FAT3: variants seen among roughly 807,000 people sequenced by gnomAD.
FAT3 encodes the protein FAT atypical cadherin 3.
In FAT3, 95 loss-of-function variants were observed where a neutral mutation model predicts 310.2. That is an observed-to-expected ratio of 0.31 (90% confidence interval 0.26 to 0.36). The LOEUF is 0.36. FAT3 is among the 10% of genes least tolerant of loss of function. FAT3 has a pLI of 1.00. For missense variants in FAT3, 5,408 were observed against 5,715.6 expected (o/e 0.95, Z 1.74); for synonymous variants, 2,314 against 2,192.9 (o/e 1.06, Z -1.54).
At chr11:92,398,500 CAAAAAA>C in intron 2 of FAT3, among the ~76,000 whole-genome samples, 1 of 80,724 alleles carries the variant, frequency 1.2e-5, no homozygotes. Flanking sequence ...AACTCCGTCC[CAAAAAA>C]AAAAAAAAAA....
intron 13 of FAT3, among the ~76,000 whole-genome samples, chr11:92,822,794 A>G (rs1213138799): frequency 6.6e-6 from 1 of 152,192 alleles, no homozygotes; most frequent in East Asian, 1.9e-4. Context: ...GCCTCTGAAA[A>G]TAGACAGTTT....
Position 92,538,168 on chromosome 11 carries a change from A to T in FAT3, c.3607+13220A>T, listed in dbSNP as rs574310759. Among the ~76,000 whole-genome samples, 3 of 152,280 alleles carry T rather than the reference A, an allele frequency of 2.0e-5. No homozygotes were observed. In the South Asian group the frequency reaches 6.2e-4, roughly 32 times the overall value. ...ATGTTATCTATAGTGTTCTATAAAA[A>T]TTGCCAACAATTCTATTAAGTGTAT... On this transcript the variant is annotated intron_variant, in intron 3 of 27. Coordinates refer to ENST00000525166, the MANE Select transcript of FAT3 (RefSeq NM_001367949.2).
intron 1 of FAT3, among the ~76,000 whole-genome samples, chr11:92,236,454 C>T (rs775403278): frequency 3.3e-5 from 5 of 152,008 alleles, no homozygotes; most frequent in Admixed American, 2.0e-4. Context: ...GAAATCAACA[C>T]GTGAGCAGGT....
At chr11:92,849,747 C>G (rs1352252788) in intron 19 of FAT3, among the ~76,000 whole-genome samples, 1 of 152,178 alleles carries the variant, frequency 6.6e-6, no homozygotes, top group African/African-American at 2.4e-5. Flanking sequence ...GCATTTTAAG[C>G]ATCCTTTTGT....
At chr11:92,624,337 A>G (rs1409546247) in intron 3 of FAT3, among the ~76,000 whole-genome samples, 2 of 152,210 alleles carry the variant, frequency 1.3e-5, no homozygotes, top group African/African-American at 4.8e-5. Context: ...AAGCCGGTTA[A>G]AGTTGGAACC....
intron 2 of FAT3, among the ~76,000 whole-genome samples, chr11:92,411,149 T>TTA (rs56346731): frequency 0.69 from 94,946 of 138,094 alleles, 35,265 homozygotes; most frequent in East Asian, 0.88. Flanking sequence ...TATATATAAA[T>TTA]TATATATATA....
intron 2 of FAT3, among the ~76,000 whole-genome samples, chr11:92,490,237 A>T (rs1952563372): frequency 6.6e-6 from 1 of 152,142 alleles, no homozygotes; most frequent in Non-Finnish European, 1.5e-5. Context: ...ATCAGTTCTA[A>T]TGGTCTCTAC....
chr11:92,238,626 T>A (rs1272258851), intron 1 of FAT3, among the ~76,000 whole-genome samples: 2 of 152,238 alleles, frequency 1.3e-5, no homozygotes, highest in Non-Finnish European at 2.9e-5. Flanking sequence ...GGAATCATTA[T>A]TGTAACTGCT....
At chr11:92,568,685 T>A (rs1033097606) in intron 3 of FAT3, among the ~76,000 whole-genome samples, 1 of 152,208 alleles carries the variant, frequency 6.6e-6, no homozygotes. Flanking sequence ...CTCTGCCTCC[T>A]GCCTGCTTTG....
chr11:92,239,015 T>C (rs1464611035), intron 1 of FAT3, among the ~76,000 whole-genome samples: 1 of 152,184 alleles, frequency 6.6e-6, no homozygotes, highest in Non-Finnish European at 1.5e-5. Flanking sequence ...GAGCTTTACA[T>C]GTATTATCTC....
chr11:92,649,963 A>G (rs770832418), intron 3 of FAT3, among the ~76,000 whole-genome samples: 1 of 138,124 alleles, frequency 7.2e-6, no homozygotes, highest in Non-Finnish European at 1.6e-5. Context: ...TTTTCACTTT[A>G]TTTCTGTAGG....
At chr11:92,659,589 T>G (rs758999923) in intron 3 of FAT3, among the ~76,000 whole-genome samples, 10 of 152,210 alleles carry the variant, frequency 6.6e-5, no homozygotes, top group Non-Finnish European at 1.3e-4. Flanking sequence ...TCAGGAAGTC[T>G]CTGAGAGGAA....
intron 24 of FAT3, among the ~76,000 whole-genome samples, chr11:92,884,825 G>C (rs1325396802): frequency 1.3e-5 from 2 of 152,202 alleles, no homozygotes; most frequent in Non-Finnish European, 2.9e-5. Context: ...ACATCTGCAT[G>C]TAGGATGGTG....
chr11:92,371,715 C>G (rs988836651), intron 2 of FAT3, among the ~76,000 whole-genome samples: 1 of 152,036 alleles, frequency 6.6e-6, no homozygotes. Flanking sequence ...GGACTCTGTA[C>G]ACCCCTCCCT....
At chr11:92,701,316 C>T (rs1223523396) in intron 4 of FAT3, among the ~76,000 whole-genome samples, 1 of 152,226 alleles carries the variant, frequency 6.6e-6, no homozygotes, top group Admixed American at 6.5e-5. Flanking sequence ...ACTGCTGACA[C>T]TCCATCTATA....
At chr11:92,657,552 T>C (rs148775329) in intron 3 of FAT3, among the ~76,000 whole-genome samples, 2,517 of 152,314 alleles carry the variant, frequency 0.017, 42 homozygotes, top group Non-Finnish European at 0.024. Context: ...TCTTTACTTT[T>C]ACAAATGATG....
At position 92,352,803 on chromosome 11, in the gene FAT3, A is replaced by G. The variant is rs758991748; in HGVS notation, c.691A>G (p.Ile231Val). The change falls in exon 2 of 28, where the codon ATT becomes GTT. Residue 231 changes from isoleucine (I) to valine (V), a missense_variant. Transcript: ENST00000525166. ...TGAAAAGAATAGGTATGATCTGGAA[A>G]TTTTGGCTGTGGACCGGGGAATGAA... ...YDEKNRYDLE[I>V]LAVDRGMKLY... 41 of 1,613,802 alleles carry G rather than the reference A, an allele frequency of 2.5e-5. No homozygotes were observed. The highest frequency in any genetic ancestry group is 3.5e-5 in the Non-Finnish European group (41 of 1,179,884).
intron 2 of FAT3, among the ~76,000 whole-genome samples, chr11:92,438,139 G>A (rs899276958): frequency 6.6e-6 from 1 of 152,090 alleles, no homozygotes; most frequent in South Asian, 2.1e-4. Context: ...ATCTAAAAAG[G>A]GGGACTTGGT....
chr11:92,561,454 G>A (rs1208611522), intron 3 of FAT3, among the ~76,000 whole-genome samples: 1 of 152,002 alleles, frequency 6.6e-6, no homozygotes, highest in Non-Finnish European at 1.5e-5. Flanking sequence ...ATACTTGAGA[G>A]TACTGAAATA....
Sources: allele counts gnomAD v4.1 joint callset (sites outside exome capture counted in the v4.1 genomes callset), GRCh38; gene constraint gnomAD v4.1.1; transcripts MANE v1.5; gene names NCBI Gene and HGNC (gene_info 2026-07-23, HGNC 2026-07-21).